Variants in ZC3H11A observed in about 807,000 individuals in gnomAD.
The protein encoded by ZC3H11A is zinc finger CCCH domain-containing protein 11A.
Under a neutral mutation model 90.8 loss-of-function variants are expected in ZC3H11A, and 22 were observed. That is an observed-to-expected ratio of 0.24 (90% CI 0.17 to 0.35). The LOEUF (loss-of-function observed/expected upper bound fraction) is 0.35. ZC3H11A is among the 10% of genes least tolerant of loss of function. The pLI, the probability that ZC3H11A is intolerant of heterozygous loss-of-function variation, is 1.00. For synonymous variants in ZC3H11A, 294 were observed against 339.8 expected (o/e 0.87, Z 1.48); for missense variants, 701 against 964.9 (o/e 0.73, Z 3.62).
intron 5 of ZC3H11A, 75 bp from the exon 6 acceptor site, chr1:203,829,376 T>C (rs760628605): frequency 1.0e-5 from 15 of 1,454,154 alleles, no homozygotes; most frequent in Non-Finnish European, 1.4e-5. Context: ...ATAGTTTTCA[T>C]AGGTGGTCAG....
At chr1:203,848,497 T>G (rs1688479029) in intron 14 of ZC3H11A, 90 bp downstream of exon 14, 1 of 899,094 alleles carries the variant, frequency 1.1e-6, no homozygotes, top group Admixed American at 2.4e-5. Context: ...TCTAAGTACT[T>G]CATTCATATA....
chr1:203,825,817 A>G (rs991592457), intron 4 of ZC3H11A, among the ~76,000 whole-genome samples: 2 of 151,962 alleles, frequency 1.3e-5, no homozygotes, highest in African/African-American at 2.4e-5. Context: ...TTTTTTTTAC[A>G]AGTAAAAACT....
chr1:203,839,196 G>A (rs1303045475), intron 11 of ZC3H11A, among the ~76,000 whole-genome samples: 1 of 152,096 alleles, frequency 6.6e-6, no homozygotes. Flanking sequence ...GAGATAGCTG[G>A]GAGTTAGATT....
intron 10 of ZC3H11A, among the ~76,000 whole-genome samples, chr1:203,835,176 A>G (rs1336262772): frequency 1.3e-5 from 2 of 152,220 alleles, no homozygotes; most frequent in Admixed American, 6.5e-5. Context: ...GTAATAAAAA[A>G]CTTTCAGCGA....
chr1:203,809,695 T>C (rs1024027194), intron 2 of ZC3H11A, among the ~76,000 whole-genome samples: 15 of 152,188 alleles, frequency 9.9e-5, no homozygotes, highest in Non-Finnish European at 2.1e-4. Flanking sequence ...GGCTCACGGC[T>C]GTAATCCTAG....
intron 9 of ZC3H11A, among the ~76,000 whole-genome samples, chr1:203,832,306 C>T (rs1682644910): frequency 6.6e-6 from 1 of 151,844 alleles, no homozygotes; most frequent in African/African-American, 2.4e-5. Context: ...GGTGATCCGC[C>T]CGCCTTGGCC....
Position 203,847,514 on chromosome 1 carries a change from A to G in ZC3H11A, c.1373A>G (p.Glu458Gly), listed in dbSNP as rs1417145734. ...GTTGCCAGCAGAGGACAATCAGAGG[A>G]GCCTGCAGGTAAAACAAAGTCTATG... is the stretch of plus-strand genomic sequence containing the variant. ...PIVASRGQSE[E>G]PAGKTKSMQE... The change falls in exon 13 of 18, where the codon GAG becomes GGG. Residue 458 changes from glutamate (E) to glycine (G), a missense_variant. By Grantham distance (98) the Glu-to-Gly change is moderately conservative (BLOSUM62 -2). Transcript: ENST00000367210. 1.9e-6 allele frequency: 3 copies of G among 1,613,972 alleles called. No homozygotes were observed. Among genetic ancestry groups the G allele is most frequent in the Non-Finnish European group, 2.5e-6 (3 of 1,179,872 alleles).
At chr1:203,799,037 G>A in intron 1 of ZC3H11A, 1 of 1,536,094 alleles carries the variant, frequency 6.5e-7, no homozygotes, top group East Asian at 2.4e-5. Flanking sequence ...GGGTTTCTTT[G>A]GAAACTGCGT....
rs370619105 is a variant in ZC3H11A at position 203,809,410 on chromosome 1, C to T, written c.-146+6394C>T. Among the ~76,000 whole-genome samples, 14 of 151,338 alleles carry T rather than the reference C, an allele frequency of 9.3e-5. No homozygotes were observed. In the East Asian group the frequency reaches 2.0e-3, roughly 21 times the overall value. On this transcript the variant is annotated intron_variant, in intron 2 of 17. Transcript: ENST00000367210. Reference sequence around the variant, plus strand: ...CAGGCTGGTCTCAAACTCCTGACCTCGTGATCCGCCCATCTCCGAAATCCC... The same window carrying T: ...CAGGCTGGTCTCAAACTCCTGACCTTGTGATCCGCCCATCTCCGAAATCCC...
chr1:203,826,596 T>G (rs1405542511), intron 4 of ZC3H11A, among the ~76,000 whole-genome samples: 1 of 152,136 alleles, frequency 6.6e-6, no homozygotes, highest in Non-Finnish European at 1.5e-5. Flanking sequence ...CTCAATATAG[T>G]AGATTTTGAC....
chr1:203,847,761 T>C (rs1688284730), intron 13 of ZC3H11A, 74 bp downstream of exon 13: 1 of 1,536,666 alleles, frequency 6.5e-7, no homozygotes, highest in Non-Finnish European at 8.7e-7. Context: ...GGGATCTTCC[T>C]AGGAGTTGTT....
Position 203,851,217 on chromosome 1 carries a change from A to G in ZC3H11A, c.2174+93A>G, listed in dbSNP as rs552047262. 3.4e-5 allele frequency: 38 copies of G among 1,132,230 alleles called. No homozygotes were observed. The African/African-American group carries it at 4.9e-4, about 14-fold the overall frequency. 70.1% of individuals were successfully genotyped at this position (1,132,230 alleles called of 1,614,324 possible). A position where few individuals can be genotyped will look rare whatever the true frequency, so the allele number is the denominator to read the frequency against. Reference sequence around the variant, plus strand: ...AACACTGATAAATAACTTTAGCAACATTCAAATAAATCTGTTGCACTTCAA... The same window carrying G: ...AACACTGATAAATAACTTTAGCAACGTTCAAATAAATCTGTTGCACTTCAA... On this transcript the variant is annotated intron_variant, in intron 17 of 17. Coordinates refer to ENST00000367210, the MANE Select transcript of ZC3H11A (RefSeq NM_001376342.1).
intron 17 of ZC3H11A, 108 bp from the exon 18 acceptor site, chr1:203,852,033 G>T (rs569959728): frequency 3.2e-5 from 20 of 618,176 alleles, no homozygotes; most frequent in South Asian, 5.9e-5. Flanking sequence ...ATTTCTTTAT[G>T]TATGTTCTTA....
At chr1:203,840,443 G>A in intron 12 of ZC3H11A, 69 bp downstream of exon 12, 6 of 1,474,632 alleles carry the variant, frequency 4.1e-6, no homozygotes, top group Non-Finnish European at 5.6e-6. Flanking sequence ...CTTTTTCTCA[G>A]ATTTACCTGT....
Position 203,829,763 on chromosome 1 carries a change from T to A in ZC3H11A, c.503-17T>A. On this transcript the variant is annotated splice_polypyrimidine_tract_variant and intron_variant, in intron 6 of 17. Coordinates refer to ENST00000367210, the MANE Select transcript of ZC3H11A (RefSeq NM_001376342.1). ...CGTATTTTTAATTGTGAATTTGCCT[T>A]AAATGTTGATATATAGATCAGTTTT... is the stretch of plus-strand genomic sequence containing the variant. The A allele has an allele frequency of 6.2e-7, 1 of 1,613,272 alleles. No individual in the cohort carries two copies. The highest frequency in any genetic ancestry group is 8.5e-7 in the Non-Finnish European group (1 of 1,179,218).
chr1:203,808,201 G>A (rs1395544613), intron 2 of ZC3H11A, among the ~76,000 whole-genome samples: 4 of 152,128 alleles, frequency 2.6e-5, no homozygotes, highest in African/African-American at 9.7e-5. Context: ...AGCTATTTGT[G>A]AAATGTAGTT....
intron 2 of ZC3H11A, among the ~76,000 whole-genome samples, chr1:203,803,966 C>T (rs962364985): frequency 2.6e-5 from 4 of 152,102 alleles, no homozygotes; most frequent in Admixed American, 1.3e-4. Context: ...GTAATAAACT[C>T]TAATTGGGAT....
At chr1:203,851,970 A>G (rs1475272520) in intron 17 of ZC3H11A, among the ~76,000 whole-genome samples, 171 bp from the exon 18 acceptor site, 1 of 18,230 alleles carries the variant, frequency 5.5e-5, no homozygotes, top group Non-Finnish European at 1.4e-4. Flanking sequence ...CTCTGCCTCA[A>G]AAAAAAAAAA....
chr1:203,829,850 A>G lies in ZC3H11A; in HGVS notation c.573A>G (p.Gly191=), dbSNP rs201157723. 3.2e-5 allele frequency: 52 copies of G among 1,614,196 alleles called. No homozygotes were observed. In the Admixed American group the frequency reaches 8.2e-4, roughly 25 times the overall value. Residue 191 remains glycine (G), a synonymous_variant, in exon 7 of 18, where the codon GGA becomes GGG. Transcript: ENST00000367210. ...AACCAACTCCTGAAGTTCACAATGG[A>G]TTACGAGTGACTTCTGTCCGGAAAC... ...TLQPTPEVHN[G]LRVTSVRKPA...
Sources: gnomAD v4.1 joint callset for allele counts (sites outside exome capture counted in the v4.1 genomes callset) on GRCh38, gnomAD v4.1.1 for gene constraint, MANE v1.5 for transcripts, NCBI Gene and HGNC (gene_info 2026-07-23, HGNC 2026-07-21) for gene names.